KCNB2: variants seen among roughly 807,000 people sequenced by gnomAD.
KCNB2 encodes delayed rectifier potassium channel protein.
KCNB2 carries 15 observed loss-of-function variants against 61.5 expected under a neutral mutation model. The ratio of observed to expected loss-of-function variants is 0.24; its 90% CI spans 0.16 to 0.38. KCNB2 has a LOEUF of 0.38. Among genes scored for constraint, KCNB2 ranks in the 10% least tolerant of loss-of-function variants. The probability of loss-of-function intolerance (pLI) is 1.00; values close to 1 mark genes in which losing one functional copy is unlikely to be tolerated. For synonymous variants in KCNB2, 457 were observed against 446.0 expected, an observed-to-expected ratio of 1.02 and a Z score of -0.31; for missense variants, 828 against 1,125.2, an observed-to-expected ratio of 0.74 and a Z score of 3.78.
At chr8:72,630,732 G>T (rs1805865134) in intron 2 of KCNB2, among the ~76,000 whole-genome samples, 1 of 152,142 alleles carries the variant, frequency 6.6e-6, no homozygotes, top group Non-Finnish European at 1.5e-5. Context: ...CAAATTAGTG[G>T]CCAGTAACCT....
intron 2 of KCNB2, among the ~76,000 whole-genome samples, chr8:72,919,880 A>G (rs1047044436): frequency 4.6e-5 from 7 of 152,172 alleles, no homozygotes. Flanking sequence ...GTCTTCATCT[A>G]TGAAGACTAT....
At position 72,868,073 on chromosome 8, in the gene KCNB2, TTA is replaced by T. The variant is rs1337203459; in HGVS notation, c.580-67860_580-67859del. On this transcript the variant is annotated intron_variant, in intron 2 of 2. Transcript: ENST00000523207. ...GATTTTGGGTTTTTTTTTTTATTAT[TTA>T]TTTTTTTTTTTTTAGAGACAGGGTC... 2.4e-3 allele frequency among the ~76,000 whole-genome samples: 351 copies of T among 145,652 alleles called. 1 individual carries two copies. The highest frequency in any genetic ancestry group is 8.8e-3 in the African/African-American group (322 of 36,792).
At chr8:72,740,095 G>GT (rs1235055307) in intron 2 of KCNB2, among the ~76,000 whole-genome samples, 13 of 152,260 alleles carry the variant, frequency 8.5e-5, no homozygotes, top group Non-Finnish European at 1.3e-4. Flanking sequence ...CCTTGTGAAC[G>GT]TATGTGTTGT....
At chr8:72,794,612 C>T (rs1808999308) in intron 2 of KCNB2, among the ~76,000 whole-genome samples, 1 of 148,882 alleles carries the variant, frequency 6.7e-6, no homozygotes, top group Non-Finnish European at 1.5e-5. Context: ...TATTCTTTAC[C>T]AGGATAGAGA....
intron 2 of KCNB2, among the ~76,000 whole-genome samples, chr8:72,703,245 C>A (rs1256672939): frequency 6.6e-6 from 1 of 152,158 alleles, no homozygotes; most frequent in African/African-American, 2.4e-5. Flanking sequence ...CAAACACTCC[C>A]ACTATTGTGA....
intron 2 of KCNB2, among the ~76,000 whole-genome samples, chr8:72,811,412 A>G (rs546230279): frequency 9.2e-5 from 14 of 152,204 alleles, no homozygotes; most frequent in South Asian, 4.1e-4. Context: ...CACGTGTCCA[A>G]GTCTTACTTT....
At position 72,577,874 on chromosome 8, in the gene KCNB2, A is replaced by G. The variant is rs923553004; in HGVS notation, c.579+9561A>G. Among the ~76,000 whole-genome samples the G allele has an allele frequency of 2.0e-5, 3 of 152,186 alleles. No individual in the cohort carries two copies. In the East Asian group the frequency reaches 5.8e-4, roughly 29 times the overall value. ...CAAGTCATCGTTTTAGCTTTAATCA[A>G]TATACTATCTAGAGCTCAATTTGGA... On this transcript the variant is annotated intron_variant, in intron 2 of 2. Coordinates refer to ENST00000523207, the MANE Select transcript of KCNB2 (RefSeq NM_004770.3).
rs1210179232 is a variant in KCNB2, at chr8:72,920,461, C to CTATATA, written c.580-15471_580-15470insATATAT. Among the ~76,000 whole-genome samples the CTATATA allele has an allele frequency of 7.5e-3, 543 of 72,578 alleles. 43 individuals carry two copies. Among genetic ancestry groups the CTATATA allele is most frequent in the Non-Finnish European group, 9.8e-3 (353 of 35,940 alleles). 47.6% of individuals were successfully genotyped at this position (72,578 alleles called of 152,430 possible). A position where few individuals can be genotyped will look rare whatever the true frequency, so the allele number is the denominator to read the frequency against. ...CCACTATATCTATCTATCTATCTAT[C>CTATATA]TATCTATCTATCTATATATATATAT... is the stretch of plus-strand genomic sequence containing the variant. On this transcript the variant is annotated intron_variant, in intron 2 of 2. Coordinates refer to ENST00000523207, the MANE Select transcript of KCNB2 (RefSeq NM_004770.3).
chr8:72,601,991 TA>T (rs1805357154), intron 2 of KCNB2, among the ~76,000 whole-genome samples: 1 of 152,158 alleles, frequency 6.6e-6, no homozygotes, highest in South Asian at 2.1e-4. Context: ...AGCAATCAAG[TA>T]GTTGAAGGCT....
chr8:72,596,016 A>G (rs999686693), intron 2 of KCNB2, among the ~76,000 whole-genome samples: 5 of 152,186 alleles, frequency 3.3e-5, no homozygotes, highest in African/African-American at 1.2e-4. Flanking sequence ...TATGTCTACC[A>G]TGTTCACCAC....
At chr8:72,724,367 AT>A (rs1322995936) in intron 2 of KCNB2, among the ~76,000 whole-genome samples, 2 of 152,210 alleles carry the variant, frequency 1.3e-5, no homozygotes, top group Non-Finnish European at 2.9e-5. Context: ...CAAAGAATGT[AT>A]CACTTTGGAA....
intron 2 of KCNB2, among the ~76,000 whole-genome samples, chr8:72,690,967 C>T (rs1034119197): frequency 2.0e-5 from 3 of 152,144 alleles, no homozygotes; most frequent in Non-Finnish European, 4.4e-5. Flanking sequence ...AGATGCCTGT[C>T]GTATTTGAAA....
intron 2 of KCNB2, among the ~76,000 whole-genome samples, chr8:72,804,776 T>G (rs568795762): frequency 6.6e-6 from 1 of 152,342 alleles, no homozygotes; most frequent in South Asian, 2.1e-4. Context: ...ATTCGACTTA[T>G]ATGCTAACTG....
At chr8:72,822,166 T>C (rs1809523446) in intron 2 of KCNB2, among the ~76,000 whole-genome samples, 1 of 152,260 alleles carries the variant, frequency 6.6e-6, no homozygotes, top group Non-Finnish European at 1.5e-5. Context: ...GAATTAGCTG[T>C]GTGTTCCTGT....
intron 2 of KCNB2, among the ~76,000 whole-genome samples, chr8:72,619,714 C>T (rs1169282088): frequency 6.6e-6 from 1 of 152,040 alleles, no homozygotes; most frequent in African/African-American, 2.4e-5. Context: ...TTATCTAAAT[C>T]TTATCATCCA....
intron 2 of KCNB2, among the ~76,000 whole-genome samples, chr8:72,661,690 A>C (rs1330460103): frequency 1.3e-5 from 2 of 152,154 alleles, no homozygotes; most frequent in Non-Finnish European, 2.9e-5. Context: ...CATTTCTCTG[A>C]TATATTTGAA....
At chr8:72,767,554 C>G (rs1321820387) in intron 2 of KCNB2, among the ~76,000 whole-genome samples, 2 of 152,162 alleles carry the variant, frequency 1.3e-5, no homozygotes, top group Non-Finnish European at 2.9e-5. Context: ...ACATGTGTCA[C>G]TACTTCATTT....
Position 72,853,922 on chromosome 8 carries a change from T to C in KCNB2, c.580-82013T>C, listed in dbSNP as rs374937442. ...GTTTTTCCATACAAGTAGATAGATA[T>C]TTCCGCAATATTCAGCTTTCTTATC... On this transcript the variant is annotated intron_variant, in intron 2 of 2. Transcript: ENST00000523207. Among the ~76,000 whole-genome samples, 21 of 152,318 alleles carry C rather than the reference T, an allele frequency of 1.4e-4. No homozygotes were observed. In the East Asian group the frequency reaches 1.5e-3, roughly 11 times the overall value.
At chr8:72,743,208 A>G (rs1807995585) in intron 2 of KCNB2, among the ~76,000 whole-genome samples, 1 of 152,220 alleles carries the variant, frequency 6.6e-6, no homozygotes, top group Non-Finnish European at 1.5e-5. Flanking sequence ...TCTGAAAGAT[A>G]TTTTCTAGCT....
Sources: gnomAD v4.1 joint callset for allele counts (sites outside exome capture counted in the v4.1 genomes callset) on GRCh38, gnomAD v4.1.1 for gene constraint, MANE v1.5 for transcripts, NCBI Gene and HGNC (gene_info 2026-07-23, HGNC 2026-07-21) for gene names.